The following STK24 variants were observed in gnomAD, a reference collection of about 807,000 sequenced individuals.
STK24 encodes serine/threonine kinase 24, also known as serine/threonine-protein kinase 24.
A neutral mutation model predicts 55.6 loss-of-function variants in STK24; 21 were observed. The observed-to-expected ratio is 0.38, with a 90% CI of 0.27 to 0.54. The LOEUF is 0.54. Ranked by LOEUF, STK24 falls within the 20% of genes least tolerant of loss-of-function variation. The pLI is 0.79. For synonymous variants in STK24, 200 were observed against 215.2 expected (o/e 0.93, Z 0.62); for missense variants, 383 against 538.4 (o/e 0.71, Z 2.86).
chr13:98,451,061 A>G lies in STK24; in HGVS notation c.*2112T>C, dbSNP rs1037426464. 3 of 152,198 alleles carry G rather than the reference A, an allele frequency of 2.0e-5. No individual in the cohort carries two copies. The highest frequency in any genetic ancestry group is 4.4e-5 in the Non-Finnish European group (3 of 68,040). The allele number at this position is 152,198 out of a possible 1,614,324, so 9.4% of individuals were successfully genotyped here. On this transcript the variant is annotated 3_prime_UTR_variant, in exon 11 of 11. Transcript: ENST00000539966. Reference sequence around the variant, plus strand: ...AGACTCCCCGTTCATACCAGTATTCATTAGAACCCAGTCCCTCGAGCGGCT... The same window carrying G: ...AGACTCCCCGTTCATACCAGTATTCGTTAGAACCCAGTCCCTCGAGCGGCT...
intron 2 of STK24, among the ~76,000 whole-genome samples, chr13:98,507,493 T>C (rs1415038114): frequency 1.3e-5 from 2 of 152,238 alleles, no homozygotes; most frequent in Admixed American, 6.5e-5. Flanking sequence ...CATGGTTTTC[T>C]AGCCTAGAGA....
chr13:98,485,418 A>G (rs1277701787), intron 2 of STK24, among the ~76,000 whole-genome samples: 1 of 150,562 alleles, frequency 6.6e-6, no homozygotes, highest in Non-Finnish European at 1.5e-5. Flanking sequence ...GAACCAGTTT[A>G]TTGATCTGAG....
At position 98,475,302 on chromosome 13, in the gene STK24, C is replaced by T. The variant is rs1894324793; in HGVS notation, c.387G>A (p.Leu129=). The change falls in exon 4 of 11, where the codon CTG becomes CTA. Residue 129 remains leucine, a synonymous_variant. Coordinates refer to ENST00000539966, the MANE Select transcript of STK24 (RefSeq NM_001032296.4). ...TQIATILREI[L]KGLDYLHSEK... is the part of the protein sequence containing the mutation. ...CCGAATGGAGATAATCGAGTCCTTTCAGTATTTCTCTTAATATAGTAGCGA... is the reference window on the plus strand; with the variant it reads ...CCGAATGGAGATAATCGAGTCCTTTTAGTATTTCTCTTAATATAGTAGCGA... 1 of 1,613,844 alleles carries T rather than the reference C, an allele frequency of 6.2e-7. No individual in the cohort carries two copies. Among genetic ancestry groups the T allele is most frequent in the South Asian group, 1.1e-5 (1 of 91,010 alleles).
intron 1 of STK24, chr13:98,543,040 G>C (rs201065592): frequency 7.1e-6 from 7 of 985,020 alleles, no homozygotes; most frequent in East Asian, 2.3e-4. Context: ...TGAAGCCTCC[G>C]GGGGCTTACA....
At chr13:98,487,764 A>G (rs144031476) in intron 2 of STK24, among the ~76,000 whole-genome samples, 5 of 152,152 alleles carry the variant, frequency 3.3e-5, no homozygotes, top group African/African-American at 1.2e-4. Flanking sequence ...TTTCGCTCTG[A>G]CGGCCCAGGT....
At chr13:98,458,999 G>A (rs754223802) in intron 9 of STK24, among the ~76,000 whole-genome samples, 9 of 152,200 alleles carry the variant, frequency 5.9e-5, no homozygotes, top group Non-Finnish European at 1.3e-4. Flanking sequence ...GGAAAATCCA[G>A]GATATGACGG....
In STK24 at chr13:98,446,476, A is replaced by C. The variant is rs1324865874; in HGVS notation, c.*6697T>G. On this transcript the variant is annotated 3_prime_UTR_variant, in exon 11 of 11. Transcript: ENST00000539966. ...CGGGGGTTGGCTTTATCTACAGCTC[A>C]GTCCTGGCGGGACTTGCCACCCGGG... 4 of 627,678 alleles carry C rather than the reference A, an allele frequency of 6.4e-6. No homozygotes were observed. The highest frequency in any genetic ancestry group is 3.7e-5 in the African/African-American group (2 of 54,036). The allele number at this position is 627,678 out of a possible 1,614,324, so 38.9% of individuals were successfully genotyped here.
intron 2 of STK24, among the ~76,000 whole-genome samples, chr13:98,482,678 G>GCAGC (rs1283318347): frequency 6.6e-6 from 1 of 152,226 alleles, no homozygotes; most frequent in Non-Finnish European, 1.5e-5. Flanking sequence ...CTGAGAACTT[G>GCAGC]CAGCCACTTG....
chr13:98,512,067 T>C (rs1215745498), intron 2 of STK24, among the ~76,000 whole-genome samples: 2 of 152,134 alleles, frequency 1.3e-5, no homozygotes, highest in Non-Finnish European at 2.9e-5. Context: ...TTTGTATTTT[T>C]AGTAGAGACA....
intron 2 of STK24, among the ~76,000 whole-genome samples, chr13:98,487,603 C>G (rs1894855956): frequency 6.6e-6 from 1 of 152,200 alleles, no homozygotes; most frequent in Admixed American, 6.5e-5. Flanking sequence ...ACTTTACCCC[C>G]CTTTTACCCA....
chr13:98,509,556 A>T (rs1408283477), intron 2 of STK24, among the ~76,000 whole-genome samples: 3 of 152,228 alleles, frequency 2.0e-5, no homozygotes, highest in Non-Finnish European at 2.9e-5. Flanking sequence ...AAACTCTTCA[A>T]ATTTTATGTT....
chr13:98,534,372 A>C (rs1896656323), intron 1 of STK24, among the ~76,000 whole-genome samples: 1 of 152,188 alleles, frequency 6.6e-6, no homozygotes, highest in Non-Finnish European at 1.5e-5. Flanking sequence ...TGTCCTTTTC[A>C]TTCCTGGGCA....
chr13:98,466,617 A>G, intron 5 of STK24, 56 bp from the exon 6 acceptor site: 2 of 1,565,328 alleles, frequency 1.3e-6, no homozygotes, highest in Non-Finnish European at 1.7e-6. Flanking sequence ...TCCAATACAC[A>G]GTATTTAGGG....
At chr13:98,550,173 ACT>A (rs1897125029) in intron 1 of STK24, among the ~76,000 whole-genome samples, 1 of 152,254 alleles carries the variant, frequency 6.6e-6, no homozygotes. Flanking sequence ...CGTCATTAAC[ACT>A]GTTAGTCATT....
chr13:98,469,196 G>A (rs1278413319), intron 5 of STK24, among the ~76,000 whole-genome samples: 2 of 152,158 alleles, frequency 1.3e-5, no homozygotes, highest in Non-Finnish European at 2.9e-5. Context: ...CCATCTGAAC[G>A]CAACCCACGT....
At chr13:98,481,435 C>G (rs1417284519) in intron 3 of STK24, among the ~76,000 whole-genome samples, 1 of 152,202 alleles carries the variant, frequency 6.6e-6, no homozygotes, top group Non-Finnish European at 1.5e-5. Context: ...ACCTCCACAC[C>G]CTGGGAGCGC....
chr13:98,515,105 A>G (rs1178066000), intron 2 of STK24, among the ~76,000 whole-genome samples: 1 of 151,824 alleles, frequency 6.6e-6, no homozygotes, highest in Non-Finnish European at 1.5e-5. Flanking sequence ...CCCCCTGAAA[A>G]AAAAAAAAAA....
At chr13:98,537,402 C>T (rs1378832616) in intron 1 of STK24, among the ~76,000 whole-genome samples, 1 of 152,220 alleles carries the variant, frequency 6.6e-6, no homozygotes, top group Non-Finnish European at 1.5e-5. Flanking sequence ...CAGCACAGTG[C>T]CCGGCACACG....
rs949855281 is a variant in STK24, at chr13:98,446,508, C to T, written c.*6665G>A. 23 of 724,494 alleles carry T rather than the reference C, an allele frequency of 3.2e-5. No individual in the cohort carries two copies. Among genetic ancestry groups the T allele is most frequent in the Non-Finnish European group, 4.1e-5 (18 of 435,126 alleles). 44.9% of individuals were successfully genotyped at this position (724,494 alleles called of 1,614,324 possible). On this transcript the variant is annotated 3_prime_UTR_variant, in exon 11 of 11. Transcript: ENST00000539966. ...GCGGGACTTGCCACCCGGGCCATCA[C>T]GTACAGGCAAACACTGGCTGCCATG...
Sources: allele counts gnomAD v4.1 joint callset (sites outside exome capture counted in the v4.1 genomes callset), GRCh38; gene constraint gnomAD v4.1.1; transcripts MANE v1.5; gene names NCBI Gene and HGNC (gene_info 2026-07-23, HGNC 2026-07-21).